Variants in GRIP2 observed in about 807,000 individuals in gnomAD.
GRIP2 encodes the protein glutamate receptor-interacting protein 2.
A neutral mutation model predicts 108.3 loss-of-function variants in GRIP2; 58 were observed. The ratio of observed to expected loss-of-function variants is 0.54; its 90% CI spans 0.43 to 0.67. The LOEUF is 0.67. Ranked by LOEUF, GRIP2 falls within the 30% of genes least tolerant of loss-of-function variation. The pLI is 0.00. For missense variants in GRIP2, 1,278 were observed against 1,430.6 expected, an observed-to-expected ratio of 0.89 and a Z score of 1.72; for synonymous variants, 586 against 598.2, an observed-to-expected ratio of 0.98 and a Z score of 0.30.
the GRIP2 span, among the ~76,000 whole-genome samples, chr3:14,561,410 T>C: frequency 6.6e-6 from 1 of 152,154 alleles, no homozygotes; most frequent in African/African-American, 2.4e-5. Context: ...CCCTATAGCA[T>C]TCTCACTTTC....
chr3:14,527,368 G>C (rs898463802), intron 1 of GRIP2, among the ~76,000 whole-genome samples: 3 of 113,016 alleles, frequency 2.7e-5, no homozygotes, highest in Non-Finnish European at 4.0e-5. Flanking sequence ...CTAATTACTT[G>C]AAAGGAAAGG....
chr3:14,517,532 CGCTCTGTCACCCAG>C (rs1413533926), intron 10 of GRIP2, among the ~76,000 whole-genome samples: 1 of 129,652 alleles, frequency 7.7e-6, no homozygotes, highest in Non-Finnish European at 1.6e-5. Context: ...GTTGAGGTCT[CGCTCTGTCACCCAG>C]GCTGAAGTGC....
At chr3:14,533,079 C>T (rs1379269057) in intron 1 of GRIP2, among the ~76,000 whole-genome samples, 1 of 152,236 alleles carries the variant, frequency 6.6e-6, no homozygotes, top group Admixed American at 6.5e-5. Context: ...TCAGCAGCTC[C>T]GCTCATCCGC....
chr3:14,542,106 T>C (rs778799448), upstream of GRIP2: 10 of 1,286,684 alleles, frequency 7.8e-6, no homozygotes, highest in South Asian at 1.1e-4. Flanking sequence ...TGGAGTTAGA[T>C]CTGCCCCTTC....
At chr3:14,508,155 C>T (rs1367833228) in intron 17 of GRIP2, among the ~76,000 whole-genome samples, 1 of 152,192 alleles carries the variant, frequency 6.6e-6, no homozygotes. Flanking sequence ...TAGCCATTGC[C>T]CCTTCCTGGG....
intron 1 of GRIP2, among the ~76,000 whole-genome samples, chr3:14,550,279 C>T (rs142604786): frequency 2.0e-5 from 3 of 152,344 alleles, no homozygotes; most frequent in East Asian, 3.9e-4. Flanking sequence ...TGCCCTCTTC[C>T]TAATCCCTGT....
chr3:14,514,155 T>C, intron 12 of GRIP2, 137 bp downstream of exon 12: 1 of 861,866 alleles, frequency 1.2e-6, no homozygotes, highest in Admixed American at 2.8e-5. Flanking sequence ...CTCGGTTTCC[T>C]CATCTGTAAA....
intron 21 of GRIP2, among the ~76,000 whole-genome samples, chr3:14,502,503 A>AG (rs1553591689): frequency 9.9e-5 from 15 of 151,644 alleles, no homozygotes; most frequent in Admixed American, 2.0e-4. Context: ...CAAAAAAAAA[A>AG]AGAGAGAGAG....
intron 21 of GRIP2, among the ~76,000 whole-genome samples, chr3:14,498,685 C>T (rs1485441847): frequency 6.6e-6 from 1 of 152,184 alleles, no homozygotes; most frequent in Admixed American, 6.5e-5. Flanking sequence ...GTCCAGGCAT[C>T]ACAGGGTCTT....
intron 1 of GRIP2, 129 bp from the exon 2 acceptor site, chr3:14,526,060 C>T (rs1166589846): frequency 2.7e-6 from 2 of 743,030 alleles, no homozygotes; most frequent in African/African-American, 3.5e-5. Flanking sequence ...CCACCAGCTC[C>T]ACCCGATTCT....
At chr3:14,583,934 C>T in the GRIP2 span, among the ~76,000 whole-genome samples, 1 of 152,198 alleles carries the variant, frequency 6.6e-6, no homozygotes, top group Non-Finnish European at 1.5e-5. Flanking sequence ...AGTCAGATTT[C>T]CTCCATAGTT....
chr3:14,593,631 C>A, the GRIP2 span, among the ~76,000 whole-genome samples: 19 of 152,350 alleles, frequency 1.2e-4, 1 homozygote, highest in African/African-American at 4.6e-4. Flanking sequence ...GGCCATCCTC[C>A]CTTCTCACAG....
the GRIP2 span, among the ~76,000 whole-genome samples, chr3:14,567,889 G>A: frequency 1.3e-5 from 2 of 152,228 alleles, no homozygotes; most frequent in Non-Finnish European, 2.9e-5. Flanking sequence ...TGGTTATGAG[G>A]TAGGGGGAGG....
the GRIP2 span, chr3:14,573,668 G>A: frequency 2.0e-6 from 3 of 1,489,532 alleles, no homozygotes; most frequent in Non-Finnish European, 1.9e-6. Flanking sequence ...GGTTGGTGTG[G>A]TTCCCGGGGT....
rs540975888 is a variant in GRIP2, at chr3:14,511,734, C to G, written c.1721-255G>C. 6.6e-6 allele frequency among the ~76,000 whole-genome samples: 1 copy of G among 152,342 alleles called. No individual in the cohort carries two copies. The highest frequency in any genetic ancestry group is 2.1e-4 in the South Asian group (1 of 4,826). On this transcript the variant is annotated intron_variant, in intron 14 of 23. Coordinates refer to ENST00000621039, the MANE Select transcript of GRIP2 (RefSeq NM_001080423.4). The surrounding 1 kb of genome is among the most constrained non-coding windows in gnomAD (Gnocchi z 4.1). Reference sequence around the variant, plus strand: ...AAACCAGATAACACAGGCACAAGATCCAGCATGGCCCTTCCAATGCCAGCT... The same window carrying G: ...AAACCAGATAACACAGGCACAAGATGCAGCATGGCCCTTCCAATGCCAGCT...
At chr3:14,580,706 A>G in the GRIP2 span, among the ~76,000 whole-genome samples, 1 of 152,198 alleles carries the variant, frequency 6.6e-6, no homozygotes, top group Admixed American at 6.5e-5. Flanking sequence ...TGTCTCAAAA[A>G]CAAAAGAAAC....
the GRIP2 span, among the ~76,000 whole-genome samples, chr3:14,589,709 T>C: frequency 1.3e-5 from 2 of 151,474 alleles, no homozygotes; most frequent in African/African-American, 2.4e-5. Context: ...ACCTCCACGA[T>C]AGCACTACCC....
chr3:14,548,474 T>G (rs1695091812), intron 1 of GRIP2, among the ~76,000 whole-genome samples: 1 of 152,000 alleles, frequency 6.6e-6, no homozygotes, highest in Non-Finnish European at 1.5e-5. Flanking sequence ...TGGCTGGTAA[T>G]CAAGGCATGA....
the GRIP2 span, among the ~76,000 whole-genome samples, chr3:14,570,087 A>T: frequency 6.6e-6 from 1 of 152,112 alleles, no homozygotes; most frequent in Non-Finnish European, 1.5e-5. Context: ...AAGCAAAGGG[A>T]GAGGGGTTTG....
Sources: gnomAD v4.1 joint callset for allele counts (sites outside exome capture counted in the v4.1 genomes callset) on GRCh38, gnomAD v4.1.1 for gene constraint, Gnocchi (gnomAD v3.1) non-coding constraint, MANE v1.5 for transcripts, NCBI Gene and HGNC (gene_info 2026-07-23, HGNC 2026-07-21) for gene names.